Variants in ADGRB3 observed in about 807,000 individuals in gnomAD.
The protein encoded by ADGRB3 is adhesion G protein-coupled receptor B3.
In ADGRB3, 37 loss-of-function variants were observed where a neutral mutation model predicts 193.4. That is an observed-to-expected ratio of 0.19 (90% CI 0.15 to 0.25). The LOEUF (loss-of-function observed/expected upper bound fraction) is 0.25, where lower values mean the gene tolerates loss of function less well. ADGRB3 is among the 10% of genes least tolerant of loss of function. ADGRB3 has a pLI of 1.00. For missense variants in ADGRB3, 1,637 were observed against 1,852.9 expected, an observed-to-expected ratio of 0.88 and a Z score of 2.14; for synonymous variants, 690 against 644.2, an observed-to-expected ratio of 1.07 and a Z score of -1.08.
chr6:69,035,849 C>T (rs1770853125), intron 13 of ADGRB3, among the ~76,000 whole-genome samples: 1 of 152,060 alleles, frequency 6.6e-6, no homozygotes, highest in African/African-American at 2.4e-5. Context: ...ATAGATATGT[C>T]AAGGGTAACA....
chr6:69,370,944 A>T (rs574088313), intron 29 of ADGRB3, among the ~76,000 whole-genome samples: 2 of 152,110 alleles, frequency 1.3e-5, no homozygotes, highest in Non-Finnish European at 2.9e-5. Flanking sequence ...GCACAGTTAG[A>T]TAACAATAGT....
intron 3 of ADGRB3, among the ~76,000 whole-genome samples, chr6:68,670,456 A>G (rs1768923928): frequency 6.6e-6 from 1 of 151,840 alleles, no homozygotes; most frequent in Admixed American, 6.6e-5. Context: ...TTGATGAGAG[A>G]CAGGGATCTA....
intron 3 of ADGRB3, among the ~76,000 whole-genome samples, chr6:68,772,893 A>C (rs1276880820): frequency 2.2e-4 from 5 of 22,688 alleles, no homozygotes; most frequent in African/African-American, 1.0e-3. Flanking sequence ...AAAAAAAAAA[A>C]AATATATATA....
rs1334141814 is a variant in ADGRB3 at position 68,871,540 on chromosome 6, T to C, written c.758-59019T>C. Among the ~76,000 whole-genome samples, 4 of 152,248 alleles carry C rather than the reference T, an allele frequency of 2.6e-5. No homozygotes were observed. The South Asian group carries it at 8.3e-4, about 32-fold the overall frequency. ...ACAAGCATTTATAGCATGTTTTTCT[T>C]GTTGATAAGCTTATTTGCCACAAAG... On this transcript the variant is annotated intron_variant, in intron 3 of 31. Transcript: ENST00000370598.
intron 20 of ADGRB3, among the ~76,000 whole-genome samples, chr6:69,243,852 C>A (rs1342991808): frequency 6.6e-6 from 1 of 151,806 alleles, no homozygotes; most frequent in Non-Finnish European, 1.5e-5. Context: ...AACTAACTGG[C>A]ACATATATAG....
At chr6:69,082,754 G>A (rs1165441538) in intron 17 of ADGRB3, among the ~76,000 whole-genome samples, 1 of 151,910 alleles carries the variant, frequency 6.6e-6, no homozygotes, top group Non-Finnish European at 1.5e-5. Flanking sequence ...TGAAACTTTT[G>A]GGGTTTGTTT....
intron 20 of ADGRB3, among the ~76,000 whole-genome samples, chr6:69,285,938 T>C (rs1767543032): frequency 6.6e-6 from 1 of 152,064 alleles, no homozygotes; most frequent in East Asian, 1.9e-4. Context: ...AGGTTTACTG[T>C]AATTAAATGT....
chr6:68,806,791 TG>T (rs1422077480), intron 3 of ADGRB3, among the ~76,000 whole-genome samples: 1 of 152,098 alleles, frequency 6.6e-6, no homozygotes, highest in East Asian at 1.9e-4. Context: ...TTTGGACTGT[TG>T]GAATATATAC....
chr6:68,975,521 C>T (rs1198313267), intron 10 of ADGRB3, among the ~76,000 whole-genome samples, 181 bp downstream of exon 10: 2 of 152,068 alleles, frequency 1.3e-5, no homozygotes, highest in African/African-American at 4.8e-5. Flanking sequence ...TTGTTTTGTT[C>T]CTAGGACTTG....
Position 68,807,761 on chromosome 6 carries a change from ACTTTT to A in ADGRB3, c.758-122794_758-122790del, listed in dbSNP as rs201150840. Among the ~76,000 whole-genome samples the A allele has an allele frequency of 8.4e-3, 1,285 of 152,274 alleles. 8 individuals carry two copies. Among genetic ancestry groups the A allele is most frequent in the Non-Finnish European group, 0.014 (941 of 68,016 alleles). On this transcript the variant is annotated intron_variant, in intron 3 of 31. Transcript: ENST00000370598. ...AGAACTAAAAAAACTGTGAAAAAATACTTTTCTTATTTTTTTCTAGGAGATACTAT... is the reference window on the plus strand; with the variant it reads ...AGAACTAAAAAAACTGTGAAAAAATACTTATTTTTTTCTAGGAGATACTAT...
intron 16 of ADGRB3, among the ~76,000 whole-genome samples, chr6:69,070,019 A>G (rs182633171): frequency 6.6e-5 from 10 of 152,280 alleles, no homozygotes; most frequent in African/African-American, 1.2e-4. Flanking sequence ...CATTCACTCA[A>G]CAGATCAAAT....
chr6:69,108,466 C>T (rs894838756), intron 17 of ADGRB3, among the ~76,000 whole-genome samples: 6 of 150,930 alleles, frequency 4.0e-5, no homozygotes, highest in African/African-American at 2.4e-5. Flanking sequence ...GATTACAAAG[C>T]GAACATTATA....
At chr6:68,890,251 T>A (rs114355010) in intron 3 of ADGRB3, among the ~76,000 whole-genome samples, 2,062 of 152,332 alleles carry the variant, frequency 0.014, 40 homozygotes, top group African/African-American at 0.047. Flanking sequence ...AGAGGTTAAC[T>A]TACAGGTAAG....
chr6:69,031,294 A>G (rs566575990), intron 13 of ADGRB3, among the ~76,000 whole-genome samples: 4 of 151,208 alleles, frequency 2.6e-5, no homozygotes, highest in South Asian at 2.1e-4. Flanking sequence ...CAAAAATTTA[A>G]CCGGGCGCAG....
In ADGRB3 at chr6:68,674,606, G is replaced by A. The variant is rs561893130; in HGVS notation, c.757+35174G>A. Reference sequence around the variant, plus strand: ...TACTACTCTTGGTTTATCATGCAAAGGGAAAATCGATTTCAAGTCCAGGTG... The same window carrying A: ...TACTACTCTTGGTTTATCATGCAAAAGGAAAATCGATTTCAAGTCCAGGTG... On this transcript the variant is annotated intron_variant, in intron 3 of 31. Coordinates refer to ENST00000370598, the MANE Select transcript of ADGRB3 (RefSeq NM_001704.3). 1.1e-3 allele frequency among the ~76,000 whole-genome samples: 175 copies of A among 152,230 alleles called. 1 individual carries two copies. Among genetic ancestry groups the A allele is most frequent in the African/African-American group, 4.1e-3 (172 of 41,558 alleles).
intron 3 of ADGRB3, among the ~76,000 whole-genome samples, chr6:68,694,447 G>T (rs1192717705): frequency 6.6e-6 from 1 of 151,930 alleles, no homozygotes; most frequent in Non-Finnish European, 1.5e-5. Flanking sequence ...GTTTGAGAGG[G>T]TAACTAGTAT....
intron 17 of ADGRB3, among the ~76,000 whole-genome samples, chr6:69,122,300 C>A (rs1421264780): frequency 1.3e-5 from 2 of 151,432 alleles, no homozygotes; most frequent in Non-Finnish European, 2.9e-5. Flanking sequence ...AATACAAAAA[C>A]CAGTCAGGCG....
intron 17 of ADGRB3, among the ~76,000 whole-genome samples, chr6:69,105,911 G>A (rs1199567370): frequency 6.6e-6 from 1 of 152,004 alleles, no homozygotes; most frequent in Non-Finnish European, 1.5e-5. Flanking sequence ...AAGGCGGGTG[G>A]GTCACCTGAG....
At chr6:68,701,809 C>G (rs1765247275) in intron 3 of ADGRB3, among the ~76,000 whole-genome samples, 1 of 152,106 alleles carries the variant, frequency 6.6e-6, no homozygotes, top group South Asian at 2.1e-4. Context: ...AGAAATTTCC[C>G]ACATCAAATG....
Sources: gnomAD v4.1 joint callset for allele counts (sites outside exome capture counted in the v4.1 genomes callset) on GRCh38, gnomAD v4.1.1 for gene constraint, MANE v1.5 for transcripts, NCBI Gene and HGNC (gene_info 2026-07-23, HGNC 2026-07-21) for gene names.